The following CNOT1 variants were observed in gnomAD, a reference collection of about 807,000 sequenced individuals.
CNOT1 encodes CCR4-associated factor 1.
Under a neutral mutation model 273.8 loss-of-function variants are expected in CNOT1, and 15 were observed. That is an observed-to-expected ratio of 0.05 (90% CI 0.04 to 0.08). The LOEUF (loss-of-function observed/expected upper bound fraction) is 0.08. Among genes scored for constraint, CNOT1 ranks in the 10% least tolerant of loss-of-function variants. CNOT1 has a pLI of 1.00. For synonymous variants in CNOT1, 1,022 were observed against 1,005.5 expected, an observed-to-expected ratio of 1.02 and a Z score of -0.31; for missense variants, 1,644 against 2,912.2, an observed-to-expected ratio of 0.56 and a Z score of 10.02.
intron 1 of CNOT1, among the ~76,000 whole-genome samples, chr16:58,604,658 G>A (rs1275940991): frequency 4.7e-5 from 7 of 150,426 alleles, no homozygotes; most frequent in East Asian, 1.9e-4. Flanking sequence ...TTAGCCGGGC[G>A]TGGTGGTGCC....
intron 39 of CNOT1, among the ~76,000 whole-genome samples, chr16:58,536,187 T>C (rs2039925674): frequency 6.6e-6 from 1 of 152,140 alleles, no homozygotes; most frequent in Non-Finnish European, 1.5e-5. Flanking sequence ...TAATGGTCAA[T>C]CTGCAGAAAT....
At chr16:58,562,361 A>G (rs2151945734) in intron 16 of CNOT1, among the ~76,000 whole-genome samples, 1 of 151,236 alleles carries the variant, frequency 6.6e-6, no homozygotes, top group East Asian at 2.0e-4. Context: ...AAAATTAGCC[A>G]GGTGTGGTGG....
intron 17 of CNOT1, 124 bp from the exon 18 acceptor site, chr16:58,558,798 CGAT>C: frequency 7.8e-7 from 1 of 1,284,704 alleles, no homozygotes; most frequent in South Asian, 1.4e-5. Context: ...CACTCAATCA[CGAT>C]GATACTTAAA....
chr16:58,556,719 A>C, intron 19 of CNOT1, 128 bp downstream of exon 19: 1 of 1,401,778 alleles, frequency 7.1e-7, no homozygotes, highest in Non-Finnish European at 9.3e-7. Context: ...TAATAATTCA[A>C]ATTTGTGAAT....
intron 1 of CNOT1, among the ~76,000 whole-genome samples, chr16:58,619,098 G>C (rs2043205420): frequency 6.6e-6 from 1 of 152,074 alleles, no homozygotes; most frequent in Admixed American, 6.6e-5. Flanking sequence ...TGACTGGGGA[G>C]ACTGAGGTGG....
chr16:58,555,000 C>G (rs1415957958), intron 21 of CNOT1, among the ~76,000 whole-genome samples: 1 of 149,828 alleles, frequency 6.7e-6, no homozygotes, highest in Non-Finnish European at 1.5e-5. Context: ...CCAGCACTTT[C>G]AGAGGCCAAG....
chr16:58,525,258 G>A lies in CNOT1; in HGVS notation c.6705C>T (p.Ser2235=), dbSNP rs1169182277. 1.2e-6 allele frequency: 2 copies of A among 1,613,986 alleles called. No homozygotes were observed. The highest frequency in any genetic ancestry group is 1.7e-5 in the Admixed American group (1 of 60,024). The change falls in exon 46 of 49, where the codon AGC becomes AGT. Residue 2235 remains serine (S), a synonymous_variant. Coordinates refer to ENST00000317147, the MANE Select transcript of CNOT1 (RefSeq NM_016284.5). ...GAGTGATGGTGCTCATTGAAGGTGT[G>A]CTGCCCTTGTTGTGGATGTGCGCAA... ...QAIAHIHNKG[S]TPSMSTITHS... is the part of the protein sequence containing the mutation.
intron 33 of CNOT1, 53 bp from the exon 34 acceptor site, chr16:58,541,673 C>CAATAATCAAAATA (rs2040098822): frequency 1.9e-6 from 3 of 1,585,432 alleles, no homozygotes; most frequent in Non-Finnish European, 2.6e-6. Flanking sequence ...TCAAAATAAA[C>CAATAATCAAAATA]TGTTTTGAAA....
In CNOT1 at chr16:58,547,049, A is replaced by C. The variant is rs2040280256; in HGVS notation, c.3750+137T>G. ...TATTTCACCCAGCCTCTCAAATTGG[A>C]AATCCAAGTGCCATAGAGGAAAACA... On this transcript the variant is annotated intron_variant, in intron 27 of 48. Transcript: ENST00000317147. This position sits in a 1 kb window ranked among gnomAD's most constrained non-coding sequence, Gnocchi z 4.0. 7.9e-7 allele frequency: 1 copy of C among 1,267,626 alleles called. No homozygotes were observed. Among genetic ancestry groups the C allele is most frequent in the South Asian group, 1.7e-5 (1 of 58,776 alleles). The allele number at this position is 1,267,626 out of a possible 1,614,324, so 78.5% of individuals were successfully genotyped here.
At chr16:58,573,318 A>G (rs1035453478) in intron 16 of CNOT1, among the ~76,000 whole-genome samples, 3 of 151,746 alleles carry the variant, frequency 2.0e-5, no homozygotes, top group Non-Finnish European at 4.4e-5. Flanking sequence ...AAAAAAAAAG[A>G]AAGAAAGAAA....
Position 58,560,377 on chromosome 16 carries a change from A to G in CNOT1, c.1980-15T>C. ...GAGAAACACTCCTAAAATAGAGGGG[A>G]AAAGGTAAAAAATATCAGTTCCTAT... On this transcript the variant is annotated splice_polypyrimidine_tract_variant and intron_variant, in intron 16 of 48. Transcript: ENST00000317147. 6.2e-7 allele frequency: 1 copy of G among 1,611,534 alleles called. No homozygotes were observed. Among genetic ancestry groups the G allele is most frequent in the South Asian group, 1.1e-5 (1 of 90,638 alleles).
Position 58,538,888 on chromosome 16 carries a change from T to C in CNOT1, c.5019A>G (p.Thr1673=). The change falls in exon 36 of 49, where the codon ACA becomes ACG. Residue 1673 remains threonine (T), a synonymous_variant. Transcript: ENST00000317147. ...QKAVEGLLDA[T]SGADADLLLR... ...GCAGAAGGTCAGCATCAGCACCACT[T>C]GTGGCATCTAGTAAGCCCTCTACAG... 6.2e-7 allele frequency: 1 copy of C among 1,609,640 alleles called. No individual in the cohort carries two copies. The highest frequency in any genetic ancestry group is 8.5e-7 in the Non-Finnish European group (1 of 1,179,246).
chr16:58,527,451 C>T (rs952297816), intron 44 of CNOT1, among the ~76,000 whole-genome samples: 5 of 151,824 alleles, frequency 3.3e-5, no homozygotes, highest in African/African-American at 1.2e-4. Context: ...CACTGGACCC[C>T]AGGAGGCGGA....
At chr16:58,549,507 T>C (rs2040385569) in intron 25 of CNOT1, among the ~76,000 whole-genome samples, 1 of 152,126 alleles carries the variant, frequency 6.6e-6, no homozygotes, top group Non-Finnish European at 1.5e-5. Context: ...TTCATAATAG[T>C]GGTTACTTTC....
intron 1 of CNOT1, among the ~76,000 whole-genome samples, chr16:58,621,636 T>G (rs1371303670): frequency 6.8e-6 from 1 of 146,182 alleles, no homozygotes; most frequent in African/African-American, 2.5e-5. Flanking sequence ...TACACCACCA[T>G]GGCCGGGCAT....
At chr16:58,592,738 A>T (rs2042107111) in intron 2 of CNOT1, among the ~76,000 whole-genome samples, 1 of 152,220 alleles carries the variant, frequency 6.6e-6, no homozygotes, top group Non-Finnish European at 1.5e-5. Context: ...CCTCTGTTCA[A>T]GTGATGAATC....
At chr16:58,555,188 A>G in intron 21 of CNOT1, 63 bp downstream of exon 21, 1 of 1,572,066 alleles carries the variant, frequency 6.4e-7, no homozygotes, top group East Asian at 2.2e-5. Context: ...AGCCTGGATG[A>G]GAGTTAAGAC....
chr16:58,627,152 T>C (rs1418970063), intron 1 of CNOT1, among the ~76,000 whole-genome samples: 2 of 152,106 alleles, frequency 1.3e-5, no homozygotes, highest in Non-Finnish European at 2.9e-5. Flanking sequence ...CTCACGTCTG[T>C]AATCCCAGCA....
At position 58,614,048 on chromosome 16, in the gene CNOT1, C is replaced by T. The variant is rs534761235; in HGVS notation, c.-174-14537G>A. On this transcript the variant is annotated intron_variant, in intron 1 of 48. Coordinates refer to ENST00000317147, the MANE Select transcript of CNOT1 (RefSeq NM_016284.5). ...CGGAGCTTGCAGTGAGCCAAGATCG[C>T]GCCACTGCACTCCAGCCTGGGCGAC... Among the ~76,000 whole-genome samples the T allele has an allele frequency of 8.7e-3, 950 of 108,872 alleles. 150 individuals carry two copies. The highest frequency in any genetic ancestry group is 0.028 in the African/African-American group (892 of 31,612). 71.4% of individuals were successfully genotyped at this position (108,872 alleles called of 152,430 possible).
Sources: gnomAD v4.1 joint callset for allele counts (sites outside exome capture counted in the v4.1 genomes callset) on GRCh38, gnomAD v4.1.1 for gene constraint, Gnocchi (gnomAD v3.1) non-coding constraint, MANE v1.5 for transcripts, NCBI Gene and HGNC (gene_info 2026-07-23, HGNC 2026-07-21) for gene names.